The following SLC15A1 variants were observed in gnomAD, a reference collection of about 807,000 sequenced individuals.
SLC15A1 encodes Caco-2 oligopeptide transporter.
A neutral mutation model predicts 92.9 loss-of-function variants in SLC15A1; 83 were observed. The ratio of observed to expected loss-of-function variants is 0.89; its 90% confidence interval spans 0.75 to 1.07. The LOEUF is 1.07. Among genes scored for constraint, SLC15A1 ranks in the 50% least tolerant of loss-of-function variants. SLC15A1 has a pLI of 0.00. For missense variants in SLC15A1, 857 were observed against 880.1 expected (o/e 0.97, Z 0.33); for synonymous variants, 322 against 318.2 (o/e 1.01, Z -0.13).
At chr13:98,686,344 G>T in intron 21 of SLC15A1, 47 bp from the exon 22 acceptor site, 1 of 1,343,912 alleles carries the variant, frequency 7.4e-7, no homozygotes, top group South Asian at 1.2e-5. Flanking sequence ...CTCACCCTCC[G>T]AGCAGGAGAA....
At chr13:98,730,800 T>C (rs2088344805) in intron 1 of SLC15A1, among the ~76,000 whole-genome samples, 1 of 152,192 alleles carries the variant, frequency 6.6e-6, no homozygotes, top group Non-Finnish European at 1.5e-5. Context: ...CAGATCCAGC[T>C]CTGCATGGTG....
At chr13:98,735,696 A>C (rs1348678425) in intron 1 of SLC15A1, among the ~76,000 whole-genome samples, 2 of 152,190 alleles carry the variant, frequency 1.3e-5, no homozygotes, top group Non-Finnish European at 2.9e-5. Flanking sequence ...ATACACCAAT[A>C]ACAGACAAAC....
At chr13:98,706,329 G>T (rs1481872543) in intron 15 of SLC15A1, 76 bp from the exon 16 acceptor site, 1 of 1,541,992 alleles carries the variant, frequency 6.5e-7, no homozygotes, top group Non-Finnish European at 8.8e-7. Context: ...TGACAAGGGG[G>T]TGCTTTCCTC....
At chr13:98,696,535 T>C (rs1403660138) in intron 18 of SLC15A1, among the ~76,000 whole-genome samples, 1 of 152,124 alleles carries the variant, frequency 6.6e-6, no homozygotes, top group African/African-American at 2.4e-5. Flanking sequence ...GAAACATTCC[T>C]GAAGAAAGTA....
At chr13:98,712,065 G>A in intron 10 of SLC15A1, 122 bp from the exon 11 acceptor site, 1 of 707,830 alleles carries the variant, frequency 1.4e-6, no homozygotes, top group Non-Finnish European at 2.5e-6. Flanking sequence ...CAAGCTGGGA[G>A]GTGATTAATC....
chr13:98,704,222 C>CA, intron 17 of SLC15A1, 67 bp downstream of exon 17: 1 of 1,466,320 alleles, frequency 6.8e-7, no homozygotes. Context: ...CAAAGTCACA[C>CA]CATAAAAATT....
intron 1 of SLC15A1, among the ~76,000 whole-genome samples, chr13:98,729,613 C>A (rs371522595): frequency 6.6e-6 from 1 of 152,222 alleles, no homozygotes; most frequent in Admixed American, 6.5e-5. Flanking sequence ...ATACAGCATG[C>A]GGAAGCCTCC....
chr13:98,711,346 A>G (rs1312714385), intron 11 of SLC15A1, among the ~76,000 whole-genome samples: 1 of 152,202 alleles, frequency 6.6e-6, no homozygotes. Context: ...TGTGGTAGAA[A>G]GAGACAACAG....
At chr13:98,710,952 G>C (rs1226916195) in intron 11 of SLC15A1, among the ~76,000 whole-genome samples, 1 of 151,978 alleles carries the variant, frequency 6.6e-6, no homozygotes, top group Non-Finnish European at 1.5e-5. Context: ...AAAATGTTAA[G>C]GGTTATTACA....
At chr13:98,731,969 G>A (rs570425509) in intron 1 of SLC15A1, among the ~76,000 whole-genome samples, 1 of 152,310 alleles carries the variant, frequency 6.6e-6, no homozygotes, top group African/African-American at 2.4e-5. Context: ...TATTATTACA[G>A]GGCAGAGGTT....
chr13:98,738,200 G>A (rs552043720), intron 1 of SLC15A1, among the ~76,000 whole-genome samples: 2 of 152,344 alleles, frequency 1.3e-5, no homozygotes, highest in African/African-American at 2.4e-5. Flanking sequence ...TATATTTAAA[G>A]GGGAAGTAGA....
At chr13:98,708,295 T>G (rs1320993928) in intron 15 of SLC15A1, among the ~76,000 whole-genome samples, 1 of 152,144 alleles carries the variant, frequency 6.6e-6, no homozygotes, top group Non-Finnish European at 1.5e-5. Flanking sequence ...AACCAATCCT[T>G]TTTAGAAACA....
chr13:98,704,218 C>A, intron 17 of SLC15A1, 71 bp downstream of exon 17: 1 of 1,453,600 alleles, frequency 6.9e-7, no homozygotes. Flanking sequence ...AAAACAAAGT[C>A]ACACCATAAA....
At position 98,708,837 on chromosome 13, in the gene SLC15A1, C is replaced by T. The variant is rs1245977911; in HGVS notation, c.1068-70G>A. The T allele has an allele frequency of 6.1e-6, 7 of 1,145,674 alleles. No homozygotes were observed. In the African/African-American group the frequency reaches 9.5e-5, roughly 16 times the overall value. 71.0% of individuals were successfully genotyped at this position (1,145,674 alleles called of 1,614,324 possible). On this transcript the variant is annotated intron_variant, in intron 14 of 22. Coordinates refer to ENST00000376503, the MANE Select transcript of SLC15A1 (RefSeq NM_005073.4). ...ATGAGCTAAGCTAAACCCCCACCCC[C>T]ACCATCCCCCCAACAAAACTAAATT...
intron 1 of SLC15A1, among the ~76,000 whole-genome samples, chr13:98,737,926 G>A (rs902907769): frequency 1.3e-5 from 2 of 152,202 alleles, no homozygotes; most frequent in African/African-American, 4.8e-5. Context: ...GGACTGTGAA[G>A]GTCAGGCTGA....
intron 1 of SLC15A1, among the ~76,000 whole-genome samples, chr13:98,750,329 T>C (rs1327726184): frequency 2.0e-5 from 3 of 152,132 alleles, no homozygotes; most frequent in East Asian, 3.9e-4. Flanking sequence ...GCCAGGATGA[T>C]CTTGATCTCT....
chr13:98,716,848 C>T (rs2088214871), intron 8 of SLC15A1, among the ~76,000 whole-genome samples: 3 of 152,188 alleles, frequency 2.0e-5, no homozygotes, highest in Admixed American at 1.3e-4. Context: ...CATTCTTCCA[C>T]GGACCTTTTT....
intron 18 of SLC15A1, among the ~76,000 whole-genome samples, chr13:98,701,676 T>C (rs1349876131): frequency 1.0e-4 from 15 of 147,228 alleles, no homozygotes; most frequent in Admixed American, 1.3e-4. Context: ...AATTTTTTTT[T>C]TTTTTTTTTT....
At chr13:98,717,852 C>T (rs2088222951) in intron 8 of SLC15A1, among the ~76,000 whole-genome samples, 1 of 152,166 alleles carries the variant, frequency 6.6e-6, no homozygotes, top group Non-Finnish European at 1.5e-5. Flanking sequence ...GGAGAAGGGG[C>T]TCTGAAGAGT....
Sources: gnomAD v4.1 joint callset for allele counts (sites outside exome capture counted in the v4.1 genomes callset) on GRCh38, gnomAD v4.1.1 for gene constraint, MANE v1.5 for transcripts, NCBI Gene and HGNC (gene_info 2026-07-23, HGNC 2026-07-21) for gene names.